The following FRMPD4 variants were observed in gnomAD, a reference collection of about 807,000 sequenced individuals.
FRMPD4 encodes FERM and PDZ domain-containing protein 4.
In FRMPD4, 22 loss-of-function variants were observed where a neutral mutation model predicts 94.1. The ratio of observed to expected loss-of-function variants is 0.23; its 90% confidence interval spans 0.17 to 0.33. The LOEUF is 0.33. FRMPD4 is among the 10% of genes least tolerant of loss of function. FRMPD4 has a pLI of 1.00. For synonymous variants in FRMPD4, 631 were observed against 548.6 expected, an observed-to-expected ratio of 1.15 and a Z score of -2.10; for missense variants, 1,111 against 1,339.9, an observed-to-expected ratio of 0.83 and a Z score of 2.67.
chrX:12,532,013 C>T (rs771721989), intron 2 of FRMPD4, among the ~76,000 whole-genome samples: 9 of 112,002 alleles, frequency 8.0e-5, no homozygotes, highest in Non-Finnish European at 1.5e-4. Flanking sequence ...GGTAAAGGAT[C>T]AAGCCCCATT....
intron 2 of FRMPD4, among the ~76,000 whole-genome samples, chrX:12,540,224 A>G (rs915388771): frequency 2.7e-5 from 3 of 111,734 alleles, no homozygotes; most frequent in African/African-American, 9.8e-5. Context: ...GACAGCATCA[A>G]ATCCACACAG....
At chrX:12,678,143 A>G (rs372011200) in intron 5 of FRMPD4, among the ~76,000 whole-genome samples, 1 of 112,238 alleles carries the variant, frequency 8.9e-6, no homozygotes, top group African/African-American at 3.2e-5. Context: ...TTCCTATGTC[A>G]TCAAAAACTC....
intron 3 of FRMPD4, among the ~76,000 whole-genome samples, chrX:12,111,647 G>C (rs1223213281): frequency 9.0e-6 from 1 of 111,611 alleles, no homozygotes; most frequent in African/African-American, 3.3e-5. Context: ...TACAGAATGG[G>C]AGAAAATTTT....
intron 2 of FRMPD4, among the ~76,000 whole-genome samples, chrX:12,573,043 C>T (rs1245827628): frequency 8.9e-6 from 1 of 112,373 alleles, no homozygotes; most frequent in African/African-American, 3.2e-5. Context: ...TACCAAAGGA[C>T]AGTTTCATCA....
At chrX:12,065,590 T>C (rs1244826992) in intron 3 of FRMPD4, among the ~76,000 whole-genome samples, 1 of 112,067 alleles carries the variant, frequency 8.9e-6, no homozygotes, top group Non-Finnish European at 1.9e-5. Context: ...GTAGCTCTTC[T>C]GGCTTTGTGT....
intron 3 of FRMPD4, among the ~76,000 whole-genome samples, chrX:12,043,344 T>C (rs771111199): frequency 8.9e-6 from 1 of 111,964 alleles, no homozygotes; most frequent in East Asian, 2.8e-4. Flanking sequence ...AATAAGATAA[T>C]TGAAATTGAT....
intron 15 of FRMPD4, 133 bp from the exon 16 acceptor site, chrX:12,717,368 T>A: frequency 2.0e-6 from 1 of 500,335 alleles, no homozygotes. Context: ...AAAACTGCAA[T>A]AAACTCAGAG....
chrX:12,123,300 G>A (rs1601953724), intron 3 of FRMPD4, among the ~76,000 whole-genome samples: 1 of 110,141 alleles, frequency 9.1e-6, no homozygotes, highest in Non-Finnish European at 1.9e-5. Context: ...AGTATGCCTG[G>A]CTAATTTTTA....
At chrX:12,003,685 A>G (rs6639123) in intron 3 of FRMPD4, among the ~76,000 whole-genome samples, 9,811 of 112,028 alleles carry the variant, frequency 0.088, 362 homozygotes, top group East Asian at 0.24. Context: ...GATTACAGGC[A>G]TGAGCCACCG....
rs186519142 is a variant in FRMPD4 at position 12,077,046 on chromosome X, T to C, written c.95+199028T>C. Among the ~76,000 whole-genome samples the C allele has an allele frequency of 3.6e-5, 4 of 111,937 alleles. No individual in the cohort carries two copies. In the East Asian group the frequency reaches 1.1e-3, roughly 31 times the overall value. On this transcript the variant is annotated intron_variant, in intron 3 of 18. Transcript: ENST00000640291. ...CAGCTCTGCCAGCACCCTTTTCCTC[T>C]CATTCTGTTTTTTTTATTAATTCAT...
intron 1 of FRMPD4, among the ~76,000 whole-genome samples, chrX:12,403,419 G>C (rs2056630269): frequency 9.1e-6 from 1 of 110,467 alleles, no homozygotes; most frequent in Admixed American, 9.6e-5. Flanking sequence ...CAGTGTCCTG[G>C]CCACTCCATC....
intron 1 of FRMPD4, among the ~76,000 whole-genome samples, chrX:12,200,639 G>A (rs1371467617): frequency 2.7e-5 from 3 of 111,378 alleles, no homozygotes; most frequent in Non-Finnish European, 5.7e-5. Flanking sequence ...TTGCCTTGAT[G>A]TATTTTTAAA....
At chrX:12,633,936 A>G (rs910967915) in intron 4 of FRMPD4, among the ~76,000 whole-genome samples, 11 of 112,907 alleles carry the variant, frequency 9.7e-5, no homozygotes, top group South Asian at 3.6e-4. Flanking sequence ...GATAAAATAT[A>G]GATTCATTTC....
chrX:12,034,131 C>A (rs1268169786), intron 3 of FRMPD4, among the ~76,000 whole-genome samples: 2 of 112,316 alleles, frequency 1.8e-5, no homozygotes, highest in African/African-American at 6.5e-5. Context: ...TCACTTGAGA[C>A]ATCTTTGAGG....
chrX:11,890,845 T>A (rs1367510978), intron 3 of FRMPD4, among the ~76,000 whole-genome samples: 1 of 112,332 alleles, frequency 8.9e-6, no homozygotes, highest in Non-Finnish European at 1.9e-5. Flanking sequence ...AGGGGAGCCA[T>A]GGCATGTGGC....
intron 4 of FRMPD4, among the ~76,000 whole-genome samples, chrX:12,630,206 C>T (rs1201864243): frequency 1.8e-5 from 2 of 112,352 alleles, no homozygotes; most frequent in African/African-American, 6.5e-5. Context: ...TGACCCAAAT[C>T]AGGGATGAAC....
At chrX:12,439,717 G>A (rs1015453305) in intron 1 of FRMPD4, among the ~76,000 whole-genome samples, 3 of 112,130 alleles carry the variant, frequency 2.7e-5, no homozygotes, top group African/African-American at 9.7e-5. Flanking sequence ...GATTGTATGA[G>A]GGGCAGGAGA....
intron 3 of FRMPD4, among the ~76,000 whole-genome samples, chrX:12,055,155 A>C (rs1601907437): frequency 8.9e-6 from 1 of 112,112 alleles, no homozygotes; most frequent in African/African-American, 3.2e-5. Flanking sequence ...TATTTTTAAA[A>C]ATCTCTTTGC....
intron 3 of FRMPD4, among the ~76,000 whole-genome samples, chrX:11,900,775 G>A (rs745480301): frequency 4.5e-5 from 5 of 111,704 alleles, no homozygotes; most frequent in African/African-American, 1.6e-4. Context: ...TGGTTGGGTG[G>A]TAGTGGGGGG....
Sources: gnomAD v4.1 joint callset for allele counts (sites outside exome capture counted in the v4.1 genomes callset) on GRCh38, gnomAD v4.1.1 for gene constraint, MANE v1.5 for transcripts, NCBI Gene and HGNC (gene_info 2026-07-23, HGNC 2026-07-21) for gene names.